Variants in GABRB2 observed in about 807,000 individuals in gnomAD.
The protein encoded by GABRB2 is gamma-aminobutyric acid type A receptor subunit beta2, also known as gamma-aminobutyric acid receptor subunit beta-2.
In GABRB2, 16 loss-of-function variants were observed where a neutral mutation model predicts 54.7. That is an observed-to-expected ratio of 0.29 (90% CI 0.20 to 0.44). The LOEUF (loss-of-function observed/expected upper bound fraction) is 0.44. Among genes scored for constraint, GABRB2 ranks in the 20% least tolerant of loss-of-function variants. The probability of loss-of-function intolerance (pLI) is 1.00; values close to 1 mark genes in which losing one functional copy is unlikely to be tolerated. For missense variants in GABRB2, 355 were observed against 644.0 expected, an observed-to-expected ratio of 0.55 and a Z score of 4.86; for synonymous variants, 244 against 233.8, an observed-to-expected ratio of 1.04 and a Z score of -0.40.
intron 4 of GABRB2, among the ~76,000 whole-genome samples, chr5:161,435,899 T>G (rs1453892998): frequency 6.6e-6 from 1 of 152,226 alleles, no homozygotes; most frequent in Non-Finnish European, 1.5e-5. Flanking sequence ...TTGTTTTCTT[T>G]AACATAGGAG....
At chr5:161,334,966 A>G in intron 6 of GABRB2, 62 bp from the exon 7 acceptor site, 1 of 1,517,856 alleles carries the variant, frequency 6.6e-7, no homozygotes, top group African/African-American at 1.4e-5. Context: ...ACTTTTCTTT[A>G]AAGGTGCATA....
At chr5:161,316,730 G>C (rs1758041966) in intron 9 of GABRB2, among the ~76,000 whole-genome samples, 1 of 152,026 alleles carries the variant, frequency 6.6e-6, no homozygotes, top group Admixed American at 6.6e-5. Context: ...TCCTGCCTCA[G>C]CCTCCTGAGT....
intron 5 of GABRB2, among the ~76,000 whole-genome samples, chr5:161,347,253 A>G (rs1237331839): frequency 6.6e-6 from 1 of 152,130 alleles, no homozygotes; most frequent in East Asian, 1.9e-4. Flanking sequence ...AGACTGTGCA[A>G]GTTAGAAAGG....
intron 4 of GABRB2, 134 bp downstream of exon 4, chr5:161,459,490 A>C (rs1758057075): frequency 1.4e-6 from 1 of 733,608 alleles, no homozygotes; most frequent in African/African-American, 1.8e-5. Flanking sequence ...TCAAATGTCT[A>C]GTGGATAGGA....
chr5:161,529,770 T>A lies in GABRB2; in HGVS notation c.237+15457A>T, dbSNP rs111963490. ...TCAATTGACCCTTCTAAATTAAAAT[T>A]TTGGTTTTAAACTATTAAATGGTTA... On this transcript the variant is annotated intron_variant, in intron 3 of 9. Coordinates refer to ENST00000393959, the MANE Select transcript of GABRB2 (RefSeq NM_001371727.1). Among the ~76,000 whole-genome samples the A allele has an allele frequency of 5.5e-3, 842 of 152,120 alleles. 8 individuals carry two copies. The highest frequency in any genetic ancestry group is 0.019 in the African/African-American group (787 of 41,536).
chr5:161,502,392 A>C (rs1759472973), intron 3 of GABRB2, among the ~76,000 whole-genome samples: 1 of 152,144 alleles, frequency 6.6e-6, no homozygotes, highest in Non-Finnish European at 1.5e-5. Context: ...TGTCTGCAAG[A>C]ATTGGGCTAA....
intron 5 of GABRB2, among the ~76,000 whole-genome samples, chr5:161,366,762 A>G (rs895636590): frequency 6.6e-5 from 10 of 152,184 alleles, no homozygotes; most frequent in Non-Finnish European, 1.5e-4. Flanking sequence ...CCTGGCCAAC[A>G]TGGCAAAACC....
chr5:161,496,401 T>C (rs1466642470), intron 3 of GABRB2, among the ~76,000 whole-genome samples: 1 of 152,122 alleles, frequency 6.6e-6, no homozygotes, highest in African/African-American at 2.4e-5. Context: ...TTATTGATTT[T>C]CTTAGAAAAA....
At chr5:161,333,125 A>C (rs1278670076) in intron 7 of GABRB2, among the ~76,000 whole-genome samples, 2 of 152,208 alleles carry the variant, frequency 1.3e-5, no homozygotes, top group African/African-American at 4.8e-5. Context: ...CATTTTAAAA[A>C]TGTCTTCTAA....
intron 9 of GABRB2, among the ~76,000 whole-genome samples, chr5:161,298,091 G>A (rs190182593): frequency 1.2e-4 from 19 of 152,218 alleles, no homozygotes; most frequent in African/African-American, 3.6e-4. Context: ...TTTGGGAAGC[G>A]TCTGTTCATA....
intron 5 of GABRB2, among the ~76,000 whole-genome samples, chr5:161,398,835 G>A (rs540497238): frequency 5.3e-5 from 8 of 152,152 alleles, no homozygotes; most frequent in South Asian, 2.1e-4. Flanking sequence ...GACTACAGGC[G>A]CGTGCCACCA....
At position 161,323,361 on chromosome 5, in the gene GABRB2, C is replaced by T. The variant is rs926230675; in HGVS notation, c.1191+3007G>A. Among the ~76,000 whole-genome samples, 12 of 152,282 alleles carry T rather than the reference C, an allele frequency of 7.9e-5. No homozygotes were observed. In the East Asian group the frequency reaches 9.7e-4, roughly 12 times the overall value. ...TAAAAATATAAGGGTCATTATCTGT[C>T]TTTGCATGTTGAGGTCTTCTCCTTG... is the stretch of plus-strand genomic sequence containing the variant. On this transcript the variant is annotated intron_variant, in intron 9 of 9. Transcript: ENST00000393959.
At chr5:161,366,896 C>T (rs918573584) in intron 5 of GABRB2, among the ~76,000 whole-genome samples, 2 of 152,148 alleles carry the variant, frequency 1.3e-5, no homozygotes, top group Non-Finnish European at 2.9e-5. Context: ...TGCAGTAATC[C>T]GAGATCGCAC....
chr5:161,474,026 G>A (rs1277604282), intron 3 of GABRB2, among the ~76,000 whole-genome samples: 1 of 151,944 alleles, frequency 6.6e-6, no homozygotes, highest in African/African-American at 2.4e-5. Context: ...GTAGAGAGGT[G>A]AATGTGTAGA....
chr5:161,497,466 C>T (rs1759287025), intron 3 of GABRB2, among the ~76,000 whole-genome samples: 1 of 151,820 alleles, frequency 6.6e-6, no homozygotes, highest in Admixed American at 6.6e-5. Context: ...ATCATGAGAT[C>T]CCATGGGGAC....
intron 3 of GABRB2, among the ~76,000 whole-genome samples, chr5:161,540,207 G>C (rs1319420456): frequency 6.6e-6 from 1 of 152,182 alleles, no homozygotes; most frequent in Non-Finnish European, 1.5e-5. Context: ...TATCAACTGA[G>C]TTTATGTAAT....
chr5:161,402,897 A>G (rs1267817560), intron 5 of GABRB2, among the ~76,000 whole-genome samples: 1 of 152,192 alleles, frequency 6.6e-6, no homozygotes, highest in African/African-American at 2.4e-5. Context: ...AGTCACCTGA[A>G]GAACTTCTAA....
At position 161,289,249 on chromosome 5, in the gene GABRB2, T is replaced by TTTTTTTTTTTTTTTTTTTTTTTTTTTG. The variant is rs1757170490; in HGVS notation, c.*4831_*4832insCAAAAAAAAAAAAAAAAAAAAAAAAAA. 1 of 149,790 alleles carries TTTTTTTTTTTTTTTTTTTTTTTTTTTG rather than the reference T, an allele frequency of 6.7e-6. No individual in the cohort carries two copies. The highest frequency in any genetic ancestry group is 1.5e-5 in the Non-Finnish European group (1 of 67,474). The allele number at this position is 149,790 out of a possible 1,614,324, so 9.3% of individuals were successfully genotyped here. On this transcript the variant is annotated 3_prime_UTR_variant, in exon 10 of 10. Transcript: ENST00000393959. ...GAGTGCTGCTTTTTTTTTTTTTTTTTGTACAGATTTCTTTAGGGCAGTATC... is the reference window on the plus strand; with the variant it reads ...GAGTGCTGCTTTTTTTTTTTTTTTTTTTTTTTTTTTTTTTTTTTTTTTTTTTGGTACAGATTTCTTTAGGGCAGTATC...
At chr5:161,439,026 A>G (rs534560361) in intron 4 of GABRB2, among the ~76,000 whole-genome samples, 1 of 152,182 alleles carries the variant, frequency 6.6e-6, no homozygotes, top group African/African-American at 2.4e-5. Flanking sequence ...ACCTAGAGAC[A>G]GATAATATCC....
Sources: gnomAD v4.1 joint callset for allele counts (sites outside exome capture counted in the v4.1 genomes callset) on GRCh38, gnomAD v4.1.1 for gene constraint, MANE v1.5 for transcripts, NCBI Gene and HGNC (gene_info 2026-07-23, HGNC 2026-07-21) for gene names.